CPNE4: variants seen among roughly 807,000 people sequenced by gnomAD.
CPNE4 encodes copine 4.
A neutral mutation model predicts 67.9 loss-of-function variants in CPNE4; 25 were observed. The ratio of observed to expected loss-of-function variants is 0.37; its 90% confidence interval spans 0.27 to 0.51. The LOEUF is 0.51. Among genes scored for constraint, CPNE4 ranks in the 20% least tolerant of loss-of-function variants. CPNE4 has a pLI of 0.93. For synonymous variants in CPNE4, 242 were observed against 244.9 expected, an observed-to-expected ratio of 0.99 and a Z score of 0.11; for missense variants, 464 against 690.8, an observed-to-expected ratio of 0.67 and a Z score of 3.68.
intron 2 of CPNE4, among the ~76,000 whole-genome samples, chr3:131,737,113 G>GTTTTTTTTTTTTTTT (rs1186119702): frequency 4.8e-5 from 4 of 82,890 alleles, no homozygotes; most frequent in South Asian, 4.3e-4. Context: ...GAAGTATTGT[G>GTTTTTTTTTTTTTTT]TCTTTTTTTT....
intron 1 of CPNE4, among the ~76,000 whole-genome samples, chr3:131,914,459 C>T (rs1039716988): frequency 6.6e-5 from 10 of 152,060 alleles, no homozygotes; most frequent in African/African-American, 2.4e-4. Context: ...ATTCTTTCTT[C>T]CCCCACATTT....
chr3:131,541,652 C>T (rs1935497624), intron 15 of CPNE4, among the ~76,000 whole-genome samples: 1 of 151,454 alleles, frequency 6.6e-6, no homozygotes, highest in African/African-American at 2.4e-5. Context: ...CATTTTTTCC[C>T]ACTGACTTTA....
intron 1 of CPNE4, among the ~76,000 whole-genome samples, chr3:131,909,959 C>A (rs539705471): frequency 6.6e-6 from 1 of 151,820 alleles, no homozygotes; most frequent in Admixed American, 6.6e-5. Flanking sequence ...CTTTAAGCAA[C>A]GGGAAACAGA....
intron 7 of CPNE4, among the ~76,000 whole-genome samples, chr3:131,660,706 A>C (rs1489802168): frequency 6.6e-6 from 1 of 152,208 alleles, no homozygotes; most frequent in Non-Finnish European, 1.5e-5. Flanking sequence ...TGTTAGTCTC[A>C]GTTTTCCCAT....
At chr3:131,773,870 A>C (rs2083229874) in intron 2 of CPNE4, among the ~76,000 whole-genome samples, 1 of 152,096 alleles carries the variant, frequency 6.6e-6, no homozygotes, top group East Asian at 1.9e-4. Flanking sequence ...TGTTAAGAAA[A>C]CTCTTTACAA....
intron 1 of CPNE4, among the ~76,000 whole-genome samples, chr3:131,935,145 T>C (rs2107839642): frequency 6.6e-6 from 1 of 152,276 alleles, no homozygotes; most frequent in East Asian, 1.9e-4. Flanking sequence ...CCTTCCCCCA[T>C]GTGTGATTTT....
intron 2 of CPNE4, among the ~76,000 whole-genome samples, chr3:131,885,707 C>T (rs987260293): frequency 6.6e-6 from 1 of 151,956 alleles, no homozygotes; most frequent in African/African-American, 2.4e-5. Flanking sequence ...CACCCCACAA[C>T]AGTCCCCACA....
chr3:131,893,608 A>G (rs911659049), intron 2 of CPNE4, among the ~76,000 whole-genome samples: 2 of 152,010 alleles, frequency 1.3e-5, no homozygotes, highest in African/African-American at 2.4e-5. Context: ...TAAAGATCAC[A>G]TCAAGTATCC....
In CPNE4 at chr3:131,801,097, A is replaced by T. The variant is rs566192455; in HGVS notation, c.181-77472T>A. 1.8e-4 allele frequency among the ~76,000 whole-genome samples: 28 copies of T among 152,090 alleles called. No individual in the cohort carries two copies. In the South Asian group the frequency reaches 5.2e-3, roughly 28 times the overall value. ...TCCAGAACCCTGGATTGTGGTACAT[A>T]AATATATATTTTCTCAGATGATACT... On this transcript the variant is annotated intron_variant, in intron 2 of 15. Coordinates refer to ENST00000429747, the MANE Select transcript of CPNE4 (RefSeq NM_130808.3).
At chr3:131,538,930 A>C (rs1935326110) in intron 15 of CPNE4, 1 of 152,126 alleles carries the variant, frequency 6.6e-6, no homozygotes. Flanking sequence ...AGCCAAATAC[A>C]CTTCTGTTCT....
chr3:131,794,714 C>T (rs934347317), intron 2 of CPNE4, among the ~76,000 whole-genome samples: 3 of 152,218 alleles, frequency 2.0e-5, no homozygotes, highest in Non-Finnish European at 2.9e-5. Flanking sequence ...AAACTTACAA[C>T]GTACTTTTAC....
At chr3:131,942,538 A>G (rs2071433262) in intron 1 of CPNE4, among the ~76,000 whole-genome samples, 1 of 148,996 alleles carries the variant, frequency 6.7e-6, no homozygotes, top group Non-Finnish European at 1.5e-5. Flanking sequence ...GCTTGGTTGA[A>G]AAGTGAGAAC....
intron 7 of CPNE4, among the ~76,000 whole-genome samples, chr3:131,620,198 G>T (rs752720914): frequency 6.6e-6 from 1 of 152,108 alleles, no homozygotes. Flanking sequence ...AATGTAAAAG[G>T]TTTCTGGGAG....
At chr3:131,773,176 A>C (rs1274653224) in intron 2 of CPNE4, among the ~76,000 whole-genome samples, 1 of 152,138 alleles carries the variant, frequency 6.6e-6, no homozygotes, top group Non-Finnish European at 1.5e-5. Context: ...AAGAAAAACT[A>C]GCCACGGTTT....
chr3:131,973,678 G>A (rs1177514133), intron 1 of CPNE4, among the ~76,000 whole-genome samples: 2 of 152,178 alleles, frequency 1.3e-5, no homozygotes, highest in Admixed American at 6.5e-5. Flanking sequence ...TATACTGAAT[G>A]ACTTCTCCCA....
chr3:131,578,969 C>T (rs565087201), intron 9 of CPNE4, among the ~76,000 whole-genome samples: 122 of 152,294 alleles, frequency 8.0e-4, no homozygotes, highest in African/African-American at 2.7e-3. Flanking sequence ...CAGCTAAAAT[C>T]ATTTGAGGAA....
chr3:131,562,560 GTC>G (rs1475667968), intron 11 of CPNE4, among the ~76,000 whole-genome samples: 2 of 151,930 alleles, frequency 1.3e-5, no homozygotes, highest in African/African-American at 4.8e-5. Flanking sequence ...CCCCCTTCTT[GTC>G]TCTCAATATG....
At chr3:132,025,089 G>A (rs1193402251) in intron 1 of CPNE4, among the ~76,000 whole-genome samples, 2 of 152,190 alleles carry the variant, frequency 1.3e-5, no homozygotes, top group Non-Finnish European at 2.9e-5. Context: ...AAGCCCTCCA[G>A]GAGATTCGGA....
At chr3:131,661,253 GA>G (rs2107642274) in intron 7 of CPNE4, among the ~76,000 whole-genome samples, 1 of 152,286 alleles carries the variant, frequency 6.6e-6, no homozygotes, top group Non-Finnish European at 1.5e-5. Context: ...CTGAAGAGCA[GA>G]AATTATAGAG....
Sources: allele counts gnomAD v4.1 joint callset (sites outside exome capture counted in the v4.1 genomes callset), GRCh38; gene constraint gnomAD v4.1.1; transcripts MANE v1.5; gene names NCBI Gene and HGNC (gene_info 2026-07-23, HGNC 2026-07-21).